The following ERO1A variants were observed in gnomAD, a reference collection of about 807,000 sequenced individuals.
The protein encoded by ERO1A is endoplasmic reticulum oxidoreductase 1 alpha.
In ERO1A, 49 loss-of-function variants were observed where a neutral mutation model predicts 76.9. The ratio of observed to expected loss-of-function variants is 0.64; its 90% CI spans 0.51 to 0.81. The LOEUF is 0.81. Ranked by LOEUF, ERO1A falls within the 30% of genes least tolerant of loss-of-function variation. ERO1A has a pLI of 0.00. For missense variants in ERO1A, 448 were observed against 542.1 expected, an observed-to-expected ratio of 0.83 and a Z score of 1.72; for synonymous variants, 174 against 181.2, an observed-to-expected ratio of 0.96 and a Z score of 0.32.
chr14:52,685,581 C>T (rs770359732), intron 1 of ERO1A, among the ~76,000 whole-genome samples: 43 of 151,998 alleles, frequency 2.8e-4, no homozygotes, highest in Middle Eastern at 3.2e-3. Context: ...CTGCAAAGGC[C>T]AAAGGGACAT....
rs559740096 is a variant in ERO1A at position 52,651,612 on chromosome 14, A to C, written c.1125+627T>G. Among the ~76,000 whole-genome samples, 11 of 152,234 alleles carry C rather than the reference A, an allele frequency of 7.2e-5. No individual in the cohort carries two copies. The South Asian group carries it at 2.3e-3, about 32-fold the overall frequency. ...AGATTATGACTCTGATTTTTTCTTA[A>C]TTTCAAGATGTATATCAAGATATAC... On this transcript the variant is annotated intron_variant, in intron 13 of 15. Transcript: ENST00000395686.
intron 13 of ERO1A, among the ~76,000 whole-genome samples, chr14:52,651,790 T>G (rs2039876005): frequency 6.6e-6 from 1 of 151,870 alleles, no homozygotes; most frequent in South Asian, 2.1e-4. Context: ...AACCATTTTT[T>G]GTATAGTGGA....
At chr14:52,692,910 C>G (rs1285580423) in intron 1 of ERO1A, among the ~76,000 whole-genome samples, 3 of 151,784 alleles carry the variant, frequency 2.0e-5, no homozygotes, top group African/African-American at 7.3e-5. Flanking sequence ...CACCTCTCCT[C>G]CCTTCTCCCC....
At chr14:52,670,426 T>A (rs2040560017) in intron 6 of ERO1A, among the ~76,000 whole-genome samples, 1 of 152,138 alleles carries the variant, frequency 6.6e-6, no homozygotes, top group Admixed American at 6.5e-5. Context: ...TGTCACCAGG[T>A]TGGAGTGCAA....
chr14:52,676,008 A>AT (rs1175064783), intron 4 of ERO1A, among the ~76,000 whole-genome samples: 1 of 152,122 alleles, frequency 6.6e-6, no homozygotes, highest in Non-Finnish European at 1.5e-5. Flanking sequence ...AAAAGCTGAC[A>AT]TTTTTTACAA....
Position 52,643,541 on chromosome 14 carries a change from A to T in ERO1A, c.*29T>A, listed in dbSNP as rs761984211. The T allele has an allele frequency of 1.4e-6, 2 of 1,429,720 alleles. No homozygotes were observed. The highest frequency in any genetic ancestry group is 2.9e-5 in the South Asian group (2 of 69,300). The allele number at this position is 1,429,720 out of a possible 1,614,324, so 88.6% of individuals were successfully genotyped here. A position where few individuals can be genotyped will look rare whatever the true frequency, so the allele number is the denominator to read the frequency against. On this transcript the variant is annotated 3_prime_UTR_variant, in exon 16 of 16. Transcript: ENST00000395686. ...TTCCACTCTTTCGCCTCCATTGTCC[A>T]GAAACAGGCACATATCAGCTTGTTT...
intron 11 of ERO1A, among the ~76,000 whole-genome samples, chr14:52,655,471 A>C (rs2040013944): frequency 6.6e-6 from 1 of 152,238 alleles, no homozygotes; most frequent in Admixed American, 6.5e-5. Flanking sequence ...GAATAATTTT[A>C]AATTTAATGT....
chr14:52,691,305 T>A (rs1026475044), intron 1 of ERO1A, among the ~76,000 whole-genome samples: 5 of 152,204 alleles, frequency 3.3e-5, no homozygotes, highest in African/African-American at 1.2e-4. Context: ...GGCACCATCC[T>A]AAGGACCTAG....
chr14:52,641,865 A>G lies in ERO1A; in HGVS notation c.*1705T>C, dbSNP rs183822332. The stretch of plus-strand genomic sequence containing the variant: ...ACTTCTGTGATTATTCATTTAAAAT[A>G]TACTGAATACATATGCATACATTCA... On this transcript the variant is annotated 3_prime_UTR_variant, in exon 16 of 16. Transcript: ENST00000395686. 7.9e-5 allele frequency: 12 copies of G among 152,374 alleles called. No homozygotes were observed. The East Asian group carries it at 1.7e-3, about 22-fold the overall frequency. 9.4% of individuals were successfully genotyped at this position (152,374 alleles called of 1,614,324 possible).
At chr14:52,684,758 T>C (rs1374609531) in intron 1 of ERO1A, among the ~76,000 whole-genome samples, 1 of 152,166 alleles carries the variant, frequency 6.6e-6, no homozygotes, top group Non-Finnish European at 1.5e-5. Context: ...TAGGATACAA[T>C]GGTAATGATA....
At chr14:52,684,898 C>CT (rs1006047901) in intron 1 of ERO1A, among the ~76,000 whole-genome samples, 1 of 151,638 alleles carries the variant, frequency 6.6e-6, no homozygotes, top group African/African-American at 2.4e-5. Context: ...CTAAAGATTG[C>CT]TTTAAGAAAC....
chr14:52,678,999 C>T (rs2040897579), intron 3 of ERO1A, among the ~76,000 whole-genome samples: 2 of 152,116 alleles, frequency 1.3e-5, no homozygotes, highest in Non-Finnish European at 1.5e-5. Context: ...TTATCTAGAA[C>T]AAATCTATTA....
chr14:52,650,862 T>G (rs989293485), intron 13 of ERO1A, among the ~76,000 whole-genome samples: 7 of 152,142 alleles, frequency 4.6e-5, no homozygotes, highest in African/African-American at 1.7e-4. Flanking sequence ...TTGCCTGAGG[T>G]CAGACCCTAT....
At chr14:52,662,518 A>G (rs1182504761) in intron 8 of ERO1A, among the ~76,000 whole-genome samples, 1 of 152,258 alleles carries the variant, frequency 6.6e-6, no homozygotes, top group African/African-American at 2.4e-5. Context: ...CTAAAAGCAC[A>G]TTAAAGATTT....
At chr14:52,667,457 T>C (rs1284640353) in intron 6 of ERO1A, among the ~76,000 whole-genome samples, 1 of 152,174 alleles carries the variant, frequency 6.6e-6, no homozygotes, top group Non-Finnish European at 1.5e-5. Flanking sequence ...CGATGGTTCA[T>C]GCCTGTAATC....
intron 11 of ERO1A, among the ~76,000 whole-genome samples, chr14:52,654,127 C>T (rs543888246): frequency 1.7e-4 from 26 of 152,244 alleles, no homozygotes; most frequent in South Asian, 6.2e-4. Flanking sequence ...AAATTCATTA[C>T]TGTAAAATCT....
In ERO1A at chr14:52,641,034, A is replaced by G. The variant is rs2039452931; in HGVS notation, c.*2536T>C. 1 of 152,210 alleles carries G rather than the reference A, an allele frequency of 6.6e-6. No individual in the cohort carries two copies. The highest frequency in any genetic ancestry group is 1.9e-4 in the East Asian group (1 of 5,200). 9.4% of individuals were successfully genotyped at this position (152,210 alleles called of 1,614,324 possible). ...CTGAGGAATAACATTTAAGGAATAA[A>G]TGAAGAGGCCAAAAGGTGGGGGGTG... On this transcript the variant is annotated 3_prime_UTR_variant, in exon 16 of 16. Coordinates refer to ENST00000395686, the MANE Select transcript of ERO1A (RefSeq NM_014584.3).
At chr14:52,655,421 T>TA (rs1340550149) in intron 11 of ERO1A, among the ~76,000 whole-genome samples, 3 of 152,182 alleles carry the variant, frequency 2.0e-5, no homozygotes, top group Non-Finnish European at 1.5e-5. Flanking sequence ...CTAGAAAATA[T>TA]ATCATAGAAA....
At chr14:52,649,166 A>G (rs996840534) in intron 13 of ERO1A, among the ~76,000 whole-genome samples, 1 of 152,232 alleles carries the variant, frequency 6.6e-6, no homozygotes, top group African/African-American at 2.4e-5. Context: ...ACAGCCAGTC[A>G]ATAGAATGAT....
Sources: allele counts gnomAD v4.1 joint callset (sites outside exome capture counted in the v4.1 genomes callset), GRCh38; gene constraint gnomAD v4.1.1; transcripts MANE v1.5; gene names NCBI Gene and HGNC (gene_info 2026-07-23, HGNC 2026-07-21).